PEX5L: variants seen among roughly 807,000 people sequenced by gnomAD.
The protein encoded by PEX5L is PEX5-related protein.
In PEX5L, 30 loss-of-function variants were observed where a neutral mutation model predicts 84.0. The ratio of observed to expected loss-of-function variants is 0.36; its 90% CI spans 0.27 to 0.48. PEX5L has a LOEUF of 0.48. Ranked by LOEUF, PEX5L falls within the 20% of genes least tolerant of loss-of-function variation. The pLI is 0.99. For synonymous variants in PEX5L, 270 were observed against 283.1 expected (o/e 0.95, Z 0.46); for missense variants, 533 against 754.6 (o/e 0.71, Z 3.44).
intron 1 of PEX5L, among the ~76,000 whole-genome samples, chr3:179,985,083 A>C (rs1358958569): frequency 2.0e-5 from 3 of 152,212 alleles, no homozygotes; most frequent in Non-Finnish European, 2.9e-5. Flanking sequence ...TGTACAATCA[A>C]AGCAAGGGCT....
At chr3:179,932,085 G>A (rs1403086566) in intron 2 of PEX5L, among the ~76,000 whole-genome samples, 3 of 151,860 alleles carry the variant, frequency 2.0e-5, no homozygotes, top group Non-Finnish European at 4.4e-5. Context: ...TCTATAAATA[G>A]GTAACATATC....
chr3:179,981,157 A>T (rs1014076485), intron 1 of PEX5L, among the ~76,000 whole-genome samples: 1 of 152,112 alleles, frequency 6.6e-6, no homozygotes, highest in Non-Finnish European at 1.5e-5. Context: ...AATGAGGAGG[A>T]TGGGGTGGCT....
chr3:179,994,460 T>C lies in PEX5L; in HGVS notation c.22-22795A>G, dbSNP rs1787669921. 2.6e-5 allele frequency among the ~76,000 whole-genome samples: 4 copies of C among 152,090 alleles called. No individual in the cohort carries two copies. In the South Asian group the frequency reaches 8.3e-4, roughly 32 times the overall value. On this transcript the variant is annotated intron_variant, in intron 1 of 14. Coordinates refer to ENST00000467460, the MANE Select transcript of PEX5L (RefSeq NM_016559.3). ...TACCCCTCCATTTTTATCCAGCTCC[T>C]CCTCCTGGGCTATCTTTTGTCCCTC...
intron 2 of PEX5L, among the ~76,000 whole-genome samples, chr3:179,941,138 A>G (rs369564130): frequency 6.6e-6 from 1 of 152,258 alleles, no homozygotes; most frequent in African/African-American, 2.4e-5. Context: ...GATTAGAGCC[A>G]TTTATTGTGC....
At chr3:179,937,383 G>A (rs1344044265) in intron 2 of PEX5L, among the ~76,000 whole-genome samples, 3 of 151,830 alleles carry the variant, frequency 2.0e-5, no homozygotes, top group African/African-American at 7.3e-5. Flanking sequence ...TATTATCTTT[G>A]TACTTTTCTG....
At chr3:179,962,542 C>T (rs1471578767) in intron 2 of PEX5L, among the ~76,000 whole-genome samples, 1 of 152,150 alleles carries the variant, frequency 6.6e-6, no homozygotes, top group Non-Finnish European at 1.5e-5. Flanking sequence ...CACTCCTTCC[C>T]CTATTAAGGT....
At chr3:179,802,151 C>A in intron 14 of PEX5L, 119 bp from the exon 15 acceptor site, 2 of 710,766 alleles carry the variant, frequency 2.8e-6, no homozygotes, top group South Asian at 1.6e-5. Flanking sequence ...TCACCTCTTA[C>A]GTGTTCTGGA....
At chr3:179,958,374 C>T (rs1456874025) in intron 2 of PEX5L, among the ~76,000 whole-genome samples, 1 of 152,100 alleles carries the variant, frequency 6.6e-6, no homozygotes, top group Admixed American at 6.5e-5. Flanking sequence ...ACACAGCAGC[C>T]CTGTGTAAAA....
At chr3:179,972,693 T>A (rs1785060413) in intron 1 of PEX5L, among the ~76,000 whole-genome samples, 1 of 152,186 alleles carries the variant, frequency 6.6e-6, no homozygotes, top group African/African-American at 2.4e-5. Context: ...AAGAGATATA[T>A]CCTTCAGTGA....
At chr3:179,894,288 C>T (rs191058364) in intron 3 of PEX5L, among the ~76,000 whole-genome samples, 4 of 152,056 alleles carry the variant, frequency 2.6e-5, no homozygotes, top group African/African-American at 4.8e-5. Flanking sequence ...ACCATGCAAC[C>T]GCTAAAAATC....
In PEX5L at chr3:179,815,383, G is replaced by A. The variant is rs556484747; in HGVS notation, c.1083+478C>T. Among the ~76,000 whole-genome samples the A allele has an allele frequency of 4.1e-4, 63 of 152,312 alleles. 2 individuals are homozygous for A. Among genetic ancestry groups the A allele is most frequent in the Middle Eastern group, 3.4e-3 (1 of 294 alleles). On this transcript the variant is annotated intron_variant, in intron 10 of 14. Transcript: ENST00000467460. ...GTGGATCACTTGAGGTCAGGAGTTC[G>A]AGACCAGCCTGACCAACATGGTGAA...
At chr3:180,005,287 G>C (rs1372944623) in intron 1 of PEX5L, among the ~76,000 whole-genome samples, 1 of 151,948 alleles carries the variant, frequency 6.6e-6, no homozygotes, top group Admixed American at 6.6e-5. Flanking sequence ...TTTAGAGATA[G>C]GGTTTTCCTG....
intron 2 of PEX5L, among the ~76,000 whole-genome samples, chr3:179,922,965 C>T (rs993539049): frequency 4.6e-5 from 7 of 151,848 alleles, no homozygotes; most frequent in African/African-American, 1.7e-4. Flanking sequence ...TGGATATTTG[C>T]TTTAAATTCT....
At chr3:179,841,927 A>G (rs540566733) in intron 8 of PEX5L, among the ~76,000 whole-genome samples, 2 of 152,346 alleles carry the variant, frequency 1.3e-5, no homozygotes, top group Middle Eastern at 3.4e-3. Flanking sequence ...TGTCACTGGT[A>G]TAGATGAGAT....
chr3:179,842,858 C>T (rs1344950912), intron 8 of PEX5L, among the ~76,000 whole-genome samples: 1 of 152,020 alleles, frequency 6.6e-6, no homozygotes, highest in African/African-American at 2.4e-5. Context: ...TCCTGCATTT[C>T]CCCCCTTACT....
chr3:179,799,943 G>C lies in PEX5L; in HGVS notation c.*1885C>G, dbSNP rs1718375304. ...GAGTGCCTGAATGCCTCTGCCTTCT[G>C]CTGACCAGCTGGAGCTACCACCTGG... is the stretch of plus-strand genomic sequence containing the variant. On this transcript the variant is annotated 3_prime_UTR_variant, in exon 15 of 15. Coordinates refer to ENST00000467460, the MANE Select transcript of PEX5L (RefSeq NM_016559.3). 2 of 152,178 alleles carry C rather than the reference G, an allele frequency of 1.3e-5. No individual in the cohort carries two copies. Among genetic ancestry groups the C allele is most frequent in the Non-Finnish European group, 2.9e-5 (2 of 68,046 alleles). The allele number at this position is 152,178 out of a possible 1,614,324, so 9.4% of individuals were successfully genotyped here. A position where few individuals can be genotyped will look rare whatever the true frequency, so the allele number is the denominator to read the frequency against.
chr3:179,968,697 C>CTGTGTGTGTGTGTG (rs67094806), intron 2 of PEX5L, among the ~76,000 whole-genome samples: 162 of 144,022 alleles, frequency 1.1e-3, no homozygotes, highest in Non-Finnish European at 1.5e-3. Context: ...ATTTAAATGA[C>CTGTGTGTGTGTGTG]TGTGTGTGTG....
intron 1 of PEX5L, among the ~76,000 whole-genome samples, chr3:180,004,147 C>T (rs2110434600): frequency 6.6e-6 from 1 of 152,208 alleles, no homozygotes; most frequent in South Asian, 2.1e-4. Flanking sequence ...GTTGAACTGA[C>T]TAAAAAAACC....
At chr3:179,852,899 C>T (rs1182111922) in intron 8 of PEX5L, among the ~76,000 whole-genome samples, 1 of 152,086 alleles carries the variant, frequency 6.6e-6, no homozygotes, top group Non-Finnish European at 1.5e-5. Context: ...GTTAGTCGGT[C>T]AGTAAGTTAG....
Sources: allele counts gnomAD v4.1 joint callset (sites outside exome capture counted in the v4.1 genomes callset), GRCh38; gene constraint gnomAD v4.1.1; transcripts MANE v1.5; gene names NCBI Gene and HGNC (gene_info 2026-07-23, HGNC 2026-07-21).